CDK3: variants seen among roughly 807,000 people sequenced by gnomAD.
CDK3 encodes cyclin dependent kinase 3.
A neutral mutation model predicts 30.2 loss-of-function variants in CDK3; 24 were observed. That is an observed-to-expected ratio of 0.79 (90% confidence interval 0.57 to 1.12). The LOEUF is 1.12. Ranked by LOEUF, CDK3 falls within the 50% of genes most tolerant of loss-of-function variation. The pLI is 0.00. For missense variants in CDK3, 345 were observed against 376.0 expected (o/e 0.92, Z 0.68); for synonymous variants, 158 against 154.2 (o/e 1.02, Z -0.18).
In CDK3 at chr17:76,002,642, G is replaced by A; in HGVS notation, c.588+30G>A. The A allele has an allele frequency of 1.3e-6, 1 of 789,754 alleles. No individual in the cohort carries two copies. 48.9% of individuals were successfully genotyped at this position (789,754 alleles called of 1,614,324 possible). A position where few individuals can be genotyped will look rare whatever the true frequency, so the allele number is the denominator to read the frequency against. On this transcript the variant is annotated intron_variant, in intron 6 of 7. Coordinates refer to ENST00000448471, the MANE Select transcript of CDK3 (RefSeq NM_001258.4). The surrounding 1 kb of genome is among the most constrained non-coding windows in gnomAD (Gnocchi z 4.3). ...AGAGAGGGGCACACATGGCCACAGGGTGCCACAGGCAGGGTCCTACTGGGG... is the reference window on the plus strand; with the variant it reads ...AGAGAGGGGCACACATGGCCACAGGATGCCACAGGCAGGGTCCTACTGGGG...
chr17:76,001,403 G>A lies in CDK3; in HGVS notation c.-14-9G>A. The A allele has an allele frequency of 6.2e-7, 1 of 1,613,924 alleles. No homozygotes were observed. Among genetic ancestry groups the A allele is most frequent in the Non-Finnish European group, 8.5e-7 (1 of 1,179,910 alleles). ...GGGTGCAAATTGCCCGGTGCCTTCT[G>A]TTTCCCAGGCAGCTCTGTGGCCATG... On this transcript the variant is annotated splice_polypyrimidine_tract_variant and intron_variant, in intron 1 of 7. Coordinates refer to ENST00000448471, the MANE Select transcript of CDK3 (RefSeq NM_001258.4). This position sits in a 1 kb window ranked among gnomAD's most constrained non-coding sequence, Gnocchi z 6.2.
intron 7 of CDK3, 98 bp downstream of exon 7, chr17:76,003,496 G>A (rs2066280577): frequency 7.2e-6 from 7 of 967,084 alleles, no homozygotes; most frequent in Middle Eastern, 3.2e-4. Context: ...CCAAGGCCAG[G>A]GTCTCTTTCC....
At position 76,005,737 on chromosome 17, in the gene CDK3, C is replaced by T; in HGVS notation, c.*314C>T. ...TGGGTGTGGGTATTCAGGCCCTCAC[C>T]TGCCCTGCCTGCAGGGCCAGACCCT... On this transcript the variant is annotated 3_prime_UTR_variant, in exon 8 of 8. Transcript: ENST00000448471. This position sits in a 1 kb window ranked among gnomAD's most constrained non-coding sequence, Gnocchi z 4.7. 1 of 279,624 alleles carries T rather than the reference C, an allele frequency of 3.6e-6. No homozygotes were observed. Among genetic ancestry groups the T allele is most frequent in the East Asian group, 7.5e-5 (1 of 13,308 alleles). The allele number at this position is 279,624 out of a possible 1,614,324, so 17.3% of individuals were successfully genotyped here.
At position 76,001,639 on chromosome 17, in the gene CDK3, C is replaced by A; in HGVS notation, c.116+98C>A. On this transcript the variant is annotated intron_variant, in intron 2 of 7. Transcript: ENST00000448471. This position sits in a 1 kb window ranked among gnomAD's most constrained non-coding sequence, Gnocchi z 6.2. ...TCTTTCCTGGAGTCCACGTTTAACTCCTCTGGGTGCTGCCCAGCAGCCCTT... is the reference window on the plus strand; with the variant it reads ...TCTTTCCTGGAGTCCACGTTTAACTACTCTGGGTGCTGCCCAGCAGCCCTT... 9.3e-7 allele frequency: 1 copy of A among 1,072,166 alleles called. No individual in the cohort carries two copies. The highest frequency in any genetic ancestry group is 1.5e-5 in the South Asian group (1 of 68,454). 66.4% of individuals were successfully genotyped at this position (1,072,166 alleles called of 1,614,324 possible).
rs1159194379 is a variant in CDK3 at position 76,003,228 on chromosome 17, G to A, written c.622G>A (p.Glu208Lys). Residue 208 changes from glutamate (E) to lysine (K), a missense_variant, in exon 7 of 8, where the codon GAG (glutamate) becomes AAG (lysine). Transcript: ENST00000448471. ...TRKALFPGDSEIDQLFRIFRM... is the reference protein window; with the variant it reads ...TRKALFPGDSKIDQLFRIFRM... ...AAAAGCCCTGTTTCCTGGTGACTCT[G>A]AGATTGACCAGCTCTTTCGTATCTT... 2 of 1,614,192 alleles carry A rather than the reference G, an allele frequency of 1.2e-6. No homozygotes were observed. The highest frequency in any genetic ancestry group is 3.3e-5 in the Admixed American group (2 of 60,016).
intron 7 of CDK3, among the ~76,000 whole-genome samples, chr17:76,004,213 C>T (rs1449006840): frequency 2.1e-5 from 1 of 46,618 alleles, no homozygotes; most frequent in Non-Finnish European, 3.8e-5. Context: ...TCTGGCAGAA[C>T]CGTCTGTTTT....
rs2066254414 is a variant in CDK3, at chr17:76,001,121, C to T, written c.-15+154C>T. 8.1e-7 allele frequency: 1 copy of T among 1,242,168 alleles called. No homozygotes were observed. Among genetic ancestry groups the T allele is most frequent in the African/African-American group, 1.6e-5 (1 of 64,232 alleles). 76.9% of individuals were successfully genotyped at this position (1,242,168 alleles called of 1,614,324 possible). On this transcript the variant is annotated intron_variant, in intron 1 of 7. Transcript: ENST00000448471. This position sits in a 1 kb window ranked among gnomAD's most constrained non-coding sequence, Gnocchi z 6.2. Reference sequence around the variant, plus strand: ...TGGGTGGGAGAGTGTGGGCCCTGCCCTCCGAGGCCGGGCATGGGCGAGAAG... The same window carrying T: ...TGGGTGGGAGAGTGTGGGCCCTGCCTTCCGAGGCCGGGCATGGGCGAGAAG...
Position 76,005,254 on chromosome 17 carries a change from C to T in CDK3, c.793-44C>T. On this transcript the variant is annotated intron_variant, in intron 7 of 7. Coordinates refer to ENST00000448471, the MANE Select transcript of CDK3 (RefSeq NM_001258.4). This position sits in a 1 kb window ranked among gnomAD's most constrained non-coding sequence, Gnocchi z 4.7. ...CTGGGAGGGGAATTTCTCACCCCAC[C>T]CTGGCTGCACCCAGACCACATCTTC... 1 of 1,598,284 alleles carries T rather than the reference C, an allele frequency of 6.3e-7. No individual in the cohort carries two copies. The highest frequency in any genetic ancestry group is 8.5e-7 in the Non-Finnish European group (1 of 1,169,958).
chr17:76,002,813 AC>A lies in CDK3; in HGVS notation c.588+202del. 1.7e-6 allele frequency: 1 copy of A among 572,370 alleles called. No homozygotes were observed. The highest frequency in any genetic ancestry group is 3.1e-6 in the Non-Finnish European group (1 of 319,994). 35.5% of individuals were successfully genotyped at this position (572,370 alleles called of 1,614,324 possible). On this transcript the variant is annotated intron_variant, in intron 6 of 7. Coordinates refer to ENST00000448471, the MANE Select transcript of CDK3 (RefSeq NM_001258.4). This position sits in a 1 kb window ranked among gnomAD's most constrained non-coding sequence, Gnocchi z 4.3. ...CAGGAGTTTGAGACCAGCCTGGGCA[AC>A]GTAACAAATCCCCAGCTCTTAAAAA...
Position 76,001,102 on chromosome 17 carries a change from G to T in CDK3, c.-15+135G>T. The T allele has an allele frequency of 8.2e-7, 1 of 1,212,752 alleles. No individual in the cohort carries two copies. Among genetic ancestry groups the T allele is most frequent in the Non-Finnish European group, 1.0e-6 (1 of 961,224 alleles). 75.1% of individuals were successfully genotyped at this position (1,212,752 alleles called of 1,614,324 possible). ...GCTGGGATGGGCAGGGGGCTGGGTGGGAGAGTGTGGGCCCTGCCCTCCGAG... is the reference window on the plus strand; with the variant it reads ...GCTGGGATGGGCAGGGGGCTGGGTGTGAGAGTGTGGGCCCTGCCCTCCGAG... On this transcript the variant is annotated intron_variant, in intron 1 of 7. Coordinates refer to ENST00000448471, the MANE Select transcript of CDK3 (RefSeq NM_001258.4). This position sits in a 1 kb window ranked among gnomAD's most constrained non-coding sequence, Gnocchi z 6.2.
At position 76,001,766 on chromosome 17, in the gene CDK3, C is replaced by T; in HGVS notation, c.117-108C>T. On this transcript the variant is annotated intron_variant, in intron 2 of 7. Coordinates refer to ENST00000448471, the MANE Select transcript of CDK3 (RefSeq NM_001258.4). This position sits in a 1 kb window ranked among gnomAD's most constrained non-coding sequence, Gnocchi z 6.2. ...TGCCAAGGAGCACAGGTCTCCATTG[C>T]CGGGGCCCTGGTCATTCTGTGGGGT... The T allele has an allele frequency of 1.8e-6, 2 of 1,121,674 alleles. No homozygotes were observed. The highest frequency in any genetic ancestry group is 3.1e-5 in the South Asian group (2 of 65,160). 69.5% of individuals were successfully genotyped at this position (1,121,674 alleles called of 1,614,324 possible).
chr17:76,003,403 G>A lies in CDK3; in HGVS notation c.792+5G>A, dbSNP rs773405991. ...GAGGGCAGGGACCTGCTCATGGTAGGTGCATGTGGGCTCCAGCTGCTGCTC... is the reference window on the plus strand; with the variant it reads ...GAGGGCAGGGACCTGCTCATGGTAGATGCATGTGGGCTCCAGCTGCTGCTC... On this transcript the variant is annotated splice_donor_5th_base_variant and intron_variant, in intron 7 of 7. Coordinates refer to ENST00000448471, the MANE Select transcript of CDK3 (RefSeq NM_001258.4). 1.9e-6 allele frequency: 3 copies of A among 1,610,374 alleles called. No homozygotes were observed. Among genetic ancestry groups the A allele is most frequent in the East Asian group, 4.5e-5 (2 of 44,868 alleles).
intron 7 of CDK3, 62 bp downstream of exon 7, chr17:76,003,460 T>G: frequency 7.8e-6 from 11 of 1,404,552 alleles, no homozygotes; most frequent in Non-Finnish European, 1.1e-5. Context: ...AGCCAGCCTC[T>G]TACATAACCC....
rs1405962839 is a variant in CDK3 at position 76,001,549 on chromosome 17, C to T, written c.116+8C>T. 1 of 1,611,200 alleles carries T rather than the reference C, an allele frequency of 6.2e-7. No individual in the cohort carries two copies. Among genetic ancestry groups the T allele is most frequent in the Admixed American group, 1.7e-5 (1 of 59,938 alleles). On this transcript the variant is annotated splice_region_variant and intron_variant, in intron 2 of 7. Transcript: ENST00000448471. This position sits in a 1 kb window ranked among gnomAD's most constrained non-coding sequence, Gnocchi z 6.2. ...GAAGATCAGACTGGATTTGTGAGTG[C>T]TGGGACGGCCCCTGAGTTACCCACC...
In CDK3 at chr17:76,002,920, G is replaced by T; in HGVS notation, c.589-275G>T. On this transcript the variant is annotated intron_variant, in intron 6 of 7. Coordinates refer to ENST00000448471, the MANE Select transcript of CDK3 (RefSeq NM_001258.4). The surrounding 1 kb of genome is among the most constrained non-coding windows in gnomAD (Gnocchi z 4.3). Reference sequence around the variant, plus strand: ...AGGTTGAGGCAGGAGGATTGCTTGAGCCTGTGGTTGAGGCTGCAGTGAGCT... The same window carrying T: ...AGGTTGAGGCAGGAGGATTGCTTGATCCTGTGGTTGAGGCTGCAGTGAGCT... The T allele has an allele frequency of 5.5e-6, 3 of 547,362 alleles. No individual in the cohort carries two copies. The South Asian group carries it at 6.2e-5, about 11-fold the overall frequency. 33.9% of individuals were successfully genotyped at this position (547,362 alleles called of 1,614,324 possible).
At position 76,002,540 on chromosome 17, in the gene CDK3, G is replaced by A; in HGVS notation, c.516G>A (p.Glu172=). Reference sequence around the variant, plus strand: ...TGACACTGTGGTATCGCGCCCCCGAGATTCTCTTGGGCAGCAAGTTCTATA... The same window carrying A: ...TGACACTGTGGTATCGCGCCCCCGAAATTCTCTTGGGCAGCAAGTTCTATA... ...EVVTLWYRAP[E]ILLGSKFYTT... The change falls in exon 6 of 8, where the codon GAG becomes GAA. Residue 172 remains glutamate, a synonymous_variant. Coordinates refer to ENST00000448471, the MANE Select transcript of CDK3 (RefSeq NM_001258.4). The surrounding 1 kb of genome is among the most constrained non-coding windows in gnomAD (Gnocchi z 4.3). 1 of 1,118,130 alleles carries A rather than the reference G, an allele frequency of 8.9e-7. No homozygotes were observed. Among genetic ancestry groups the A allele is most frequent in the Non-Finnish European group, 1.4e-6 (1 of 726,670 alleles). 69.3% of individuals were successfully genotyped at this position (1,118,130 alleles called of 1,614,324 possible). A position where few individuals can be genotyped will look rare whatever the true frequency, so the allele number is the denominator to read the frequency against.
In CDK3 at chr17:76,005,385, G is replaced by A. The variant is rs770201571; in HGVS notation, c.880G>A (p.Ala294Thr). The A allele has an allele frequency of 6.2e-7, 1 of 1,614,080 alleles. No individual in the cohort carries two copies. The highest frequency in any genetic ancestry group is 1.3e-5 in the African/African-American group (1 of 75,030). The change falls in exon 8 of 8, where the codon GCT becomes ACT. Residue 294 changes from alanine to threonine, a missense_variant. Coordinates refer to ENST00000448471, the MANE Select transcript of CDK3 (RefSeq NM_001258.4). The surrounding 1 kb of genome is among the most constrained non-coding windows in gnomAD (Gnocchi z 4.7). ...PYFSSPEPSPAARQYVLQRFR... is the reference protein window; with the variant it reads ...PYFSSPEPSPTARQYVLQRFR... ...CTTCTCATCCCCTGAGCCCTCCCCAGCTGCCCGCCAGTATGTGCTGCAGCG... is the reference window on the plus strand; with the variant it reads ...CTTCTCATCCCCTGAGCCCTCCCCAACTGCCCGCCAGTATGTGCTGCAGCG...
Position 76,001,775 on chromosome 17 carries a change from TG to T in CDK3, c.117-97del. 1 of 1,193,996 alleles carries T rather than the reference TG, an allele frequency of 8.4e-7. No homozygotes were observed. Among genetic ancestry groups the T allele is most frequent in the Non-Finnish European group, 1.2e-6 (1 of 850,356 alleles). 74.0% of individuals were successfully genotyped at this position (1,193,996 alleles called of 1,614,324 possible). A position where few individuals can be genotyped will look rare whatever the true frequency, so the allele number is the denominator to read the frequency against. ...GCACAGGTCTCCATTGCCGGGGCCC[TG>T]GTCATTCTGTGGGGTTAAGGAGAAG... On this transcript the variant is annotated intron_variant, in intron 2 of 7. Transcript: ENST00000448471. This position sits in a 1 kb window ranked among gnomAD's most constrained non-coding sequence, Gnocchi z 6.2.
chr17:76,005,595 T>C lies in CDK3; in HGVS notation c.*172T>C. On this transcript the variant is annotated 3_prime_UTR_variant, in exon 8 of 8. Coordinates refer to ENST00000448471, the MANE Select transcript of CDK3 (RefSeq NM_001258.4). The surrounding 1 kb of genome is among the most constrained non-coding windows in gnomAD (Gnocchi z 4.7). ...CTGCCCGCAGGTTAGCGAGATCCTGTGTTGTTTTTTGGGTTGGACGGTGCC... is the reference window on the plus strand; with the variant it reads ...CTGCCCGCAGGTTAGCGAGATCCTGCGTTGTTTTTTGGGTTGGACGGTGCC... 1 of 742,184 alleles carries C rather than the reference T, an allele frequency of 1.3e-6. No individual in the cohort carries two copies. Among genetic ancestry groups the C allele is most frequent in the East Asian group, 2.9e-5 (1 of 34,776 alleles). The allele number at this position is 742,184 out of a possible 1,614,324, so 46.0% of individuals were successfully genotyped here. A position where few individuals can be genotyped will look rare whatever the true frequency, so the allele number is the denominator to read the frequency against.
Sources: gnomAD v4.1 joint callset for allele counts (sites outside exome capture counted in the v4.1 genomes callset) on GRCh38, gnomAD v4.1.1 for gene constraint, Gnocchi (gnomAD v3.1) non-coding constraint, MANE v1.5 for transcripts, NCBI Gene and HGNC (gene_info 2026-07-23, HGNC 2026-07-21) for gene names.